The following ORC3 variants were observed in gnomAD, a reference collection of about 807,000 sequenced individuals.
ORC3 encodes the protein origin recognition complex subunit 3.
Under a neutral mutation model 100.7 loss-of-function variants are expected in ORC3, and 78 were observed. That is an observed-to-expected ratio of 0.77 (90% confidence interval 0.65 to 0.94). The LOEUF (loss-of-function observed/expected upper bound fraction) is 0.94. Ranked by LOEUF, ORC3 falls within the 40% of genes least tolerant of loss-of-function variation. The pLI is 0.00. For synonymous variants in ORC3, 295 were observed against 289.3 expected, an observed-to-expected ratio of 1.02 and a Z score of -0.20; for missense variants, 789 against 823.9, an observed-to-expected ratio of 0.96 and a Z score of 0.52.
At chr6:87,628,868 A>C (rs55880748) in intron 11 of ORC3, among the ~76,000 whole-genome samples, 4,810 of 152,330 alleles carry the variant, frequency 0.032, 99 homozygotes, top group Middle Eastern at 0.054. Flanking sequence ...AAAAATAATA[A>C]ATGGAAAAGT....
chr6:87,649,585 TA>T (rs1186181610), intron 13 of ORC3, among the ~76,000 whole-genome samples: 1 of 152,094 alleles, frequency 6.6e-6, no homozygotes, highest in African/African-American at 2.4e-5. Flanking sequence ...CTGTCTCTAC[TA>T]AAAATACAAA....
chr6:87,644,914 T>C (rs1020417600), intron 13 of ORC3, among the ~76,000 whole-genome samples: 4 of 152,124 alleles, frequency 2.6e-5, no homozygotes, highest in Non-Finnish European at 4.4e-5. Flanking sequence ...CTTCTAACCA[T>C]GTGATGAATT....
At chr6:87,675,779 G>T in the ORC3 span, 97 of 1,486,518 alleles carry the variant, frequency 6.5e-5, no homozygotes, top group Non-Finnish European at 8.5e-5. Flanking sequence ...TTCTCTTTTT[G>T]AGTATGAAAA....
intron 13 of ORC3, among the ~76,000 whole-genome samples, chr6:87,652,568 T>C (rs1769361451): frequency 6.6e-6 from 1 of 152,230 alleles, no homozygotes; most frequent in African/African-American, 2.4e-5. Context: ...TAAATGGTGA[T>C]AATTAGAGAA....
chr6:87,667,576 T>C (rs1214022944), downstream of ORC3: 1 of 152,298 alleles, frequency 6.6e-6, no homozygotes, highest in African/African-American at 2.4e-5. Context: ...TCCTGGTGAC[T>C]ACATAGGTTC....
At chr6:87,601,439 G>A (rs562628843) in intron 2 of ORC3, among the ~76,000 whole-genome samples, 23 of 152,342 alleles carry the variant, frequency 1.5e-4, no homozygotes, top group Admixed American at 3.9e-4. Context: ...GGGAGGCCAA[G>A]GTGGGCAGAT....
At chr6:87,605,436 A>G (rs1054592170) in intron 4 of ORC3, among the ~76,000 whole-genome samples, 3 of 152,324 alleles carry the variant, frequency 2.0e-5, no homozygotes, top group African/African-American at 7.2e-5. Flanking sequence ...GGATCACTTG[A>G]GGTCGGGAGT....
At chr6:87,602,740 C>G (rs1778002528) in intron 3 of ORC3, among the ~76,000 whole-genome samples, 2 of 151,524 alleles carry the variant, frequency 1.3e-5, no homozygotes, top group African/African-American at 4.9e-5. Context: ...TAGAAAAGAC[C>G]CTTTTCAAGG....
intron 14 of ORC3, among the ~76,000 whole-genome samples, chr6:87,654,571 C>T (rs28381517): frequency 4.6e-5 from 7 of 152,204 alleles, no homozygotes; most frequent in African/African-American, 1.4e-4. Flanking sequence ...CAGACCAGAG[C>T]CCATCTCTCT....
intron 8 of ORC3, among the ~76,000 whole-genome samples, chr6:87,613,327 A>T (rs1190302474): frequency 6.6e-6 from 1 of 152,178 alleles, no homozygotes; most frequent in African/African-American, 2.4e-5. Flanking sequence ...TGAGAACAGC[A>T]CAGGAAAGAC....
chr6:87,625,417 G>A (rs532119605), intron 11 of ORC3, among the ~76,000 whole-genome samples: 1 of 152,236 alleles, frequency 6.6e-6, no homozygotes, highest in African/African-American at 2.4e-5. Flanking sequence ...ATCTCATTGT[G>A]GTTTTGATTT....
rs185722767 is a variant in ORC3 at position 87,604,772 on chromosome 6, G to T, written c.323-1145G>T. ...AATCATAGACCATAATGCATGCTAG[G>T]AATCATTTTGATATTTTCTATTTTC... On this transcript the variant is annotated intron_variant, in intron 4 of 19. Transcript: ENST00000392844. 2.3e-3 allele frequency among the ~76,000 whole-genome samples: 351 copies of T among 152,018 alleles called. 2 individuals carry two copies. Among genetic ancestry groups the T allele is most frequent in the Non-Finnish European group, 2.7e-3 (185 of 67,980 alleles).
the ORC3 span, among the ~76,000 whole-genome samples, chr6:87,673,213 TGCAGTG>T: frequency 7.5e-6 from 1 of 134,030 alleles, no homozygotes; most frequent in African/African-American, 2.9e-5. Context: ...CAGACTGGAG[TGCAGTG>T]GCATGATCTC....
chr6:87,615,563 C>G (rs113374375), intron 8 of ORC3, among the ~76,000 whole-genome samples: 2 of 152,268 alleles, frequency 1.3e-5, no homozygotes, highest in African/African-American at 2.4e-5. Context: ...GAAAGGGTGG[C>G]AAGCACCTAT....
At position 87,603,529 on chromosome 6, in the gene ORC3, G is replaced by A. The variant is rs1274057165; in HGVS notation, c.322+1G>A. The A allele has an allele frequency of 1.4e-6, 2 of 1,480,480 alleles. No individual in the cohort carries two copies. The highest frequency in any genetic ancestry group is 4.6e-5 in the East Asian group (2 of 43,476). The allele number at this position is 1,480,480 out of a possible 1,614,324, so 91.7% of individuals were successfully genotyped here. Reference sequence around the variant, plus strand: ...ATTCCAACTGCTGCTCTTGTTCTTGGTATATATGCGTATGTTTGTTCATGC... The same window carrying A: ...ATTCCAACTGCTGCTCTTGTTCTTGATATATATGCGTATGTTTGTTCATGC... On this transcript the variant is annotated splice_donor_variant, in intron 4 of 19. Transcript: ENST00000392844. LOFTEE classifies it high-confidence loss of function.
At chr6:87,652,100 G>T (rs377385201) in intron 13 of ORC3, among the ~76,000 whole-genome samples, 2 of 151,918 alleles carry the variant, frequency 1.3e-5, no homozygotes, top group African/African-American at 4.8e-5. Context: ...AGGTTTCACC[G>T]TGGTAGCCAG....
At chr6:87,675,469 C>A in the ORC3 span, 1 of 1,327,954 alleles carries the variant, frequency 7.5e-7, no homozygotes, top group Non-Finnish European at 1.1e-6. Flanking sequence ...AGAGTGGTTG[C>A]CACTGACGAA....
At chr6:87,613,158 C>A (rs1034747265) in intron 8 of ORC3, among the ~76,000 whole-genome samples, 20 of 152,278 alleles carry the variant, frequency 1.3e-4, no homozygotes, top group Admixed American at 1.2e-3. Context: ...TTAATGGACT[C>A]ATAGTTCCAC....
chr6:87,608,544 A>G (rs1778511551), intron 6 of ORC3, among the ~76,000 whole-genome samples: 1 of 152,176 alleles, frequency 6.6e-6, no homozygotes, highest in Non-Finnish European at 1.5e-5. Flanking sequence ...TAGGGACTAA[A>G]CTACGTCTAA....
Sources: gnomAD v4.1 joint callset for allele counts (sites outside exome capture counted in the v4.1 genomes callset) on GRCh38, gnomAD v4.1.1 for gene constraint, MANE v1.5 for transcripts, NCBI Gene and HGNC (gene_info 2026-07-23, HGNC 2026-07-21) for gene names.